The following RBKS variants were observed in gnomAD, a reference collection of about 807,000 sequenced individuals.
The protein encoded by RBKS is ribokinase.
RBKS carries 33 observed loss-of-function variants against 33.9 expected under a neutral mutation model. The ratio of observed to expected loss-of-function variants is 0.97; its 90% confidence interval spans 0.74 to 1.30. The LOEUF (loss-of-function observed/expected upper bound fraction) is 1.30, where lower values mean the gene tolerates loss of function less well. Ranked by LOEUF, RBKS falls within the 50% of genes most tolerant of loss-of-function variation. RBKS has a pLI of 0.00. For synonymous variants in RBKS, 125 were observed against 143.0 expected, an observed-to-expected ratio of 0.87 and a Z score of 0.90; for missense variants, 361 against 392.6, an observed-to-expected ratio of 0.92 and a Z score of 0.68.
chr2:27,854,787 GAT>G (rs1458903074), intron 2 of RBKS, among the ~76,000 whole-genome samples: 2 of 148,860 alleles, frequency 1.3e-5, no homozygotes, highest in East Asian at 3.9e-4. Flanking sequence ...GCTTTACTGA[GAT>G]ATAATTATAA....
At chr2:27,867,512 G>A (rs10182383) in intron 1 of RBKS, among the ~76,000 whole-genome samples, 151,143 of 152,266 alleles carry the variant, frequency 0.99, 75,019 homozygotes, top group East Asian at 1. Context: ...AAATGGGGAC[G>A]AAAAGGGGCA....
intron 7 of RBKS, among the ~76,000 whole-genome samples, chr2:27,794,107 C>G (rs185082333): frequency 1.2e-4 from 18 of 152,012 alleles, no homozygotes; most frequent in Admixed American, 1.1e-3. Flanking sequence ...CAAGACCATC[C>G]TGACTAACAT....
chr2:27,848,073 C>A lies in RBKS; in HGVS notation c.247G>T (p.Asp83Tyr), dbSNP rs768720844. The A allele has an allele frequency of 6.6e-7, 1 of 1,508,724 alleles. No homozygotes were observed. The highest frequency in any genetic ancestry group is 1.2e-5 in the South Asian group (1 of 85,298). The allele number at this position is 1,508,724 out of a possible 1,614,324, so 93.5% of individuals were successfully genotyped here. ...CKVGKDSFGN[D>Y]YIENLKQNDI... Reference sequence around the variant, plus strand: ...TTCTGTTTTAAGTTTTCTATATAATCATTGCCAAAAGAATCTTTGCCAACC... The same window carrying A: ...TTCTGTTTTAAGTTTTCTATATAATAATTGCCAAAAGAATCTTTGCCAACC... The change falls in exon 3 of 8, where the codon GAT becomes TAT. Residue 83 changes from aspartate to tyrosine, a missense_variant. Asp to Tyr is a radical substitution (Grantham distance 160, BLOSUM62 -3). Coordinates refer to ENST00000302188, the MANE Select transcript of RBKS (RefSeq NM_022128.3).
chr2:27,867,365 T>C (rs1664122256), intron 1 of RBKS, among the ~76,000 whole-genome samples: 1 of 152,070 alleles, frequency 6.6e-6, no homozygotes, highest in African/African-American at 2.4e-5. Flanking sequence ...AATAATACAA[T>C]GGGGTGAGAA....
intron 7 of RBKS, among the ~76,000 whole-genome samples, chr2:27,807,903 G>A (rs982281704): frequency 6.6e-6 from 1 of 152,150 alleles, no homozygotes; most frequent in African/African-American, 2.4e-5. Context: ...TGTCACAGCA[G>A]GGAAAAAAAG....
intron 1 of RBKS, among the ~76,000 whole-genome samples, chr2:27,865,570 CCTTT>C (rs1350182459): frequency 4.2e-5 from 5 of 118,436 alleles, no homozygotes; most frequent in Non-Finnish European, 8.4e-5. Context: ...TTCTCCTCCT[CCTTT>C]TTTTTTTTTT....
At chr2:27,853,485 C>G (rs1298533490) in intron 2 of RBKS, among the ~76,000 whole-genome samples, 2 of 151,840 alleles carry the variant, frequency 1.3e-5, no homozygotes, top group African/African-American at 4.8e-5. Context: ...ATGGCAAAAC[C>G]TTGTCTACAA....
intron 7 of RBKS, among the ~76,000 whole-genome samples, chr2:27,801,728 C>T (rs1027571751): frequency 4.6e-4 from 69 of 151,548 alleles, no homozygotes; most frequent in African/African-American, 1.4e-3. Context: ...CTGGCACCTG[C>T]GTGGTTTCTG....
chr2:27,864,377 G>A (rs571306369), intron 1 of RBKS, among the ~76,000 whole-genome samples: 276 of 152,258 alleles, frequency 1.8e-3, no homozygotes, highest in African/African-American at 6.4e-3. Flanking sequence ...CAGCTACTCT[G>A]GAATTTGTAG....
intron 7 of RBKS, among the ~76,000 whole-genome samples, chr2:27,787,580 A>T (rs990130636): frequency 6.6e-6 from 1 of 152,180 alleles, no homozygotes; most frequent in African/African-American, 2.4e-5. Flanking sequence ...GTTGATAGGG[A>T]ATAGAAGATA....
At chr2:27,819,978 G>C (rs914928854) in intron 7 of RBKS, among the ~76,000 whole-genome samples, 2 of 152,196 alleles carry the variant, frequency 1.3e-5, no homozygotes, top group Non-Finnish European at 1.5e-5. Flanking sequence ...TTGGCACTAG[G>C]AGTCCATCCA....
chr2:27,825,876 A>C (rs1225154406), intron 7 of RBKS, among the ~76,000 whole-genome samples: 2 of 152,244 alleles, frequency 1.3e-5, no homozygotes, highest in Non-Finnish European at 2.9e-5. Flanking sequence ...ATAGGGGCTA[A>C]GCCACTTCTG....
chr2:27,797,133 C>T (rs777386003), intron 7 of RBKS, among the ~76,000 whole-genome samples: 8 of 152,216 alleles, frequency 5.3e-5, no homozygotes, highest in Non-Finnish European at 1.2e-4. Context: ...AGGCTCTGCT[C>T]AGAGTCAGGC....
rs185799738 is a variant in RBKS at position 27,883,626 on chromosome 2, A to G, written c.89+6631T>C. On this transcript the variant is annotated intron_variant, in intron 1 of 7. Transcript: ENST00000302188. The stretch of plus-strand genomic sequence containing the variant: ...ACTTTGTTCTCCTTAGGTTACAGAC[A>G]TGAAAAGCCTAAGGCACAGAGAGCT... Among the ~76,000 whole-genome samples the G allele has an allele frequency of 8.5e-5, 13 of 152,390 alleles. 1 individual carries two copies. In the East Asian group the frequency reaches 2.5e-3, roughly 29 times the overall value.
At chr2:27,781,831 T>A in intron 7 of RBKS, 43 bp from the exon 8 acceptor site, 1 of 1,521,678 alleles carries the variant, frequency 6.6e-7, no homozygotes, top group Non-Finnish European at 8.9e-7. Context: ...ATGTAGTCAA[T>A]CTGTTGCCCA....
chr2:27,827,651 C>T lies in RBKS; in HGVS notation c.711G>A (p.Gly237=). The change falls in exon 7 of 8, where the codon GGG becomes GGA. Residue 237 remains glycine (G), a synonymous_variant. Transcript: ENST00000302188. The part of the protein sequence containing the change: ...RGCQVVIITL[G]AEGCVVLSQT... ...GTGACAGCACCACACATCCTTCAGC[C>T]CCTAAGGTAATGATTACCACCTGGC... is the stretch of plus-strand genomic sequence containing the variant. 6.2e-7 allele frequency: 1 copy of T among 1,613,860 alleles called. No individual in the cohort carries two copies. Among genetic ancestry groups the T allele is most frequent in the South Asian group, 1.1e-5 (1 of 91,050 alleles).
At chr2:27,839,089 A>C (rs967283683) in intron 5 of RBKS, among the ~76,000 whole-genome samples, 5 of 152,192 alleles carry the variant, frequency 3.3e-5, no homozygotes, top group African/African-American at 9.7e-5. Context: ...GGGACACTCA[A>C]AATACTGGCT....
intron 7 of RBKS, among the ~76,000 whole-genome samples, chr2:27,796,127 T>A (rs1314639534): frequency 6.6e-6 from 1 of 152,228 alleles, no homozygotes; most frequent in Non-Finnish European, 1.5e-5. Context: ...GACATTCTCA[T>A]TGTTGAATCT....
At chr2:27,799,767 A>C (rs1677737905) in intron 7 of RBKS, among the ~76,000 whole-genome samples, 1 of 152,170 alleles carries the variant, frequency 6.6e-6, no homozygotes, top group African/African-American at 2.4e-5. Context: ...AATTTCTTCA[A>C]GGGAGAGTGT....
Sources: allele counts gnomAD v4.1 joint callset (sites outside exome capture counted in the v4.1 genomes callset), GRCh38; gene constraint gnomAD v4.1.1; transcripts MANE v1.5; gene names NCBI Gene and HGNC (gene_info 2026-07-23, HGNC 2026-07-21).